Variants in COL7A1 observed in about 807,000 individuals in gnomAD.
COL7A1 encodes collagen type VII alpha 1 chain, also known as collagen alpha-1(VII) chain.
In COL7A1, 296 loss-of-function variants were observed where a neutral mutation model predicts 456.2. That is an observed-to-expected ratio of 0.65 (90% CI 0.59 to 0.71). The LOEUF is 0.71. Among genes scored for constraint, COL7A1 ranks in the 30% least tolerant of loss-of-function variants. The pLI, the probability that COL7A1 is intolerant of heterozygous loss-of-function variation, is 0.00. For synonymous variants in COL7A1, 1,464 were observed against 1,525.9 expected, an observed-to-expected ratio of 0.96 and a Z score of 0.95; for missense variants, 3,441 against 4,017.2, an observed-to-expected ratio of 0.86 and a Z score of 3.88.
At position 48,591,593 on chromosome 3, in the gene COL7A1, C is replaced by G; in HGVS notation, c.1508-1G>C. Reference sequence around the variant, plus strand: ...ACAGGGCTCACAGGCAGCTCTGGTCCTGTTGGAGAGCACAGCATAGAGGCA... The same window carrying G: ...ACAGGGCTCACAGGCAGCTCTGGTCGTGTTGGAGAGCACAGCATAGAGGCA... On this transcript the variant is annotated splice_acceptor_variant, in intron 12 of 118. Transcript: ENST00000681320. LOFTEE classifies it high-confidence loss of function. This position sits in a 1 kb window ranked among gnomAD's most constrained non-coding sequence, Gnocchi z 7.0. 6.2e-7 allele frequency: 1 copy of G among 1,613,650 alleles called. No individual in the cohort carries two copies. Among genetic ancestry groups the G allele is most frequent in the Non-Finnish European group, 8.5e-7 (1 of 1,179,994 alleles).
rs755178152 is a variant in COL7A1 at position 48,573,866 on chromosome 3, G to A, written c.6526C>T (p.Pro2176Ser). The A allele has an allele frequency of 3.1e-6, 5 of 1,613,946 alleles. No individual in the cohort carries two copies. ...TCTTGGGTACTCACCACTGGGCCAG[G>A]GGGGCCTCTTGGACCCTGCAGACCC... is the stretch of plus-strand genomic sequence containing the variant. ...KPGLQGPRGPPGPVGGHGDPG... is the reference protein window; with the variant it reads ...KPGLQGPRGPSGPVGGHGDPG... Residue 2176 changes from proline (P) to serine (S), a missense_variant, in exon 81 of 119, where the codon CCT becomes TCT. Pro to Ser is a moderately conservative substitution (Grantham distance 74, BLOSUM62 -1). This residue lies in a region of COL7A1 where 2,084 missense variants were observed against 2,501.3 expected (regional missense o/e 0.83). Transcript: ENST00000681320. The surrounding 1 kb of genome is among the most constrained non-coding windows in gnomAD (Gnocchi z 5.5).
chr3:48,586,816 G>A lies in COL7A1; in HGVS notation c.3277-127C>T. On this transcript the variant is annotated intron_variant, in intron 25 of 118. Coordinates refer to ENST00000681320, the MANE Select transcript of COL7A1 (RefSeq NM_000094.4). This position sits in a 1 kb window ranked among gnomAD's most constrained non-coding sequence, Gnocchi z 5.1. ...ATCTATTAGGGAGTCAGCAGTGATG[G>A]CAGGATAGGGAGCCAGGCAGTAGGT... 2 of 1,500,772 alleles carry A rather than the reference G, an allele frequency of 1.3e-6. No individual in the cohort carries two copies. The highest frequency in any genetic ancestry group is 9.0e-7 in the Non-Finnish European group (1 of 1,106,106). 93.0% of individuals were successfully genotyped at this position (1,500,772 alleles called of 1,614,324 possible).
chr3:48,569,847 C>T lies in COL7A1; in HGVS notation c.7521+33G>A, dbSNP rs750493362. 1.2e-6 allele frequency: 2 copies of T among 1,614,154 alleles called. No homozygotes were observed. Among genetic ancestry groups the T allele is most frequent in the Non-Finnish European group, 1.7e-6 (2 of 1,180,006 alleles). On this transcript the variant is annotated intron_variant, in intron 100 of 118. Coordinates refer to ENST00000681320, the MANE Select transcript of COL7A1 (RefSeq NM_000094.4). This position sits in a 1 kb window ranked among gnomAD's most constrained non-coding sequence, Gnocchi z 4.9. ...TATCATACAAGATCCACTCACCCCC[C>T]CACTCATGCCAGGACCTTCCCCACG...
At position 48,589,411 on chromosome 3, in the gene COL7A1, C is replaced by T; in HGVS notation, c.2230G>A (p.Glu744Lys). 6.2e-7 allele frequency: 1 copy of T among 1,613,732 alleles called. No individual in the cohort carries two copies. The highest frequency in any genetic ancestry group is 8.5e-7 in the Non-Finnish European group (1 of 1,180,008). The change falls in exon 18 of 119, where the codon GAG (glutamate) becomes AAG (lysine). Residue 744 changes from glutamate to lysine, a missense_variant. By Grantham distance (56) the Glu-to-Lys change is moderately conservative (BLOSUM62 1). This residue lies in a region of COL7A1 where 913 missense variants were observed against 1,088.2 expected (regional missense o/e 0.84). Transcript: ENST00000681320. ...EATVAELDGLEPDTEYTVHVR... is the reference protein window; with the variant it reads ...EATVAELDGLKPDTEYTVHVR... ...TGCACCGTATACTCAGTATCTGGCT[C>T]CAGTCCATCCAGCTCAGCCACCGTG... is the stretch of plus-strand genomic sequence containing the variant.
Position 48,593,727 on chromosome 3 carries a change from G to C in COL7A1, c.267-31C>G, listed in dbSNP as rs368872953. On this transcript the variant is annotated intron_variant, in intron 3 of 118. Coordinates refer to ENST00000681320, the MANE Select transcript of COL7A1 (RefSeq NM_000094.4). The surrounding 1 kb of genome is among the most constrained non-coding windows in gnomAD (Gnocchi z 4.4). ...GGAGGGTAGGGGTGGCAACAGGCTA[G>C]GACTCAGGATCTCTTCTGGCCCTGG... 2 of 1,614,156 alleles carry C rather than the reference G, an allele frequency of 1.2e-6. No homozygotes were observed. Among genetic ancestry groups the C allele is most frequent in the Non-Finnish European group, 1.7e-6 (2 of 1,180,004 alleles).
chr3:48,580,242 G>C lies in COL7A1; in HGVS notation c.5097+58C>G. 6.3e-7 allele frequency: 1 copy of C among 1,589,010 alleles called. No individual in the cohort carries two copies. On this transcript the variant is annotated intron_variant, in intron 56 of 118. Transcript: ENST00000681320. The surrounding 1 kb of genome is among the most constrained non-coding windows in gnomAD (Gnocchi z 4.5). ...AGACCCCTTGTGTGAAGGCACACTG[G>C]CAGCAGCGCCAGGGGACCCTCCATC...
At chr3:48,582,914 G>T in intron 44 of COL7A1, 99 bp downstream of exon 44, 1 of 1,544,964 alleles carries the variant, frequency 6.5e-7, no homozygotes, top group Non-Finnish European at 8.9e-7. Context: ...ATTGAGGAGG[G>T]GTGAGGAGCA....
rs765755720 is a variant in COL7A1, at chr3:48,575,245, G to A, written c.6181-3C>T. ...TCTCCTTTCTCTCCCCGTTCTCCCT[G>A]AAATGCAAATAGCGGGTGAGGGCCA... On this transcript the variant is annotated splice_polypyrimidine_tract_variant and splice_region_variant and intron_variant, in intron 74 of 118. Coordinates refer to ENST00000681320, the MANE Select transcript of COL7A1 (RefSeq NM_000094.4). This position sits in a 1 kb window ranked among gnomAD's most constrained non-coding sequence, Gnocchi z 6.3. 1.2e-6 allele frequency: 2 copies of A among 1,613,962 alleles called. No homozygotes were observed. Among genetic ancestry groups the A allele is most frequent in the East Asian group, 4.5e-5 (2 of 44,886 alleles).
rs771744912 is a variant in COL7A1, at chr3:48,593,587, C to T, written c.376G>A (p.Val126Met). Reference protein sequence around the residue: ...NTRTGAAILHVADHVFLPQLA... With the variant: ...NTRTGAAILHMADHVFLPQLA... ...TGGGGCAGGAAGACATGGTCAGCCACATGGAGAATTGCAGCCCCTGTGCGA... is the reference window on the plus strand; with the variant it reads ...TGGGGCAGGAAGACATGGTCAGCCATATGGAGAATTGCAGCCCCTGTGCGA... Residue 126 changes from valine to methionine, a missense_variant, in exon 4 of 119, where the codon GTG (valine) becomes ATG (methionine). This residue lies in a region of COL7A1 where 913 missense variants were observed against 1,088.2 expected (regional missense o/e 0.84). Transcript: ENST00000681320. This position sits in a 1 kb window ranked among gnomAD's most constrained non-coding sequence, Gnocchi z 4.4. 6.2e-7 allele frequency: 1 copy of T among 1,614,216 alleles called. No homozygotes were observed. Among genetic ancestry groups the T allele is most frequent in the Non-Finnish European group, 8.5e-7 (1 of 1,180,036 alleles).
rs1250363853 is a variant in COL7A1 at position 48,586,383 on chromosome 3, C to T, written c.3499G>A (p.Glu1167Lys). The T allele has an allele frequency of 6.2e-7, 1 of 1,613,910 alleles. No individual in the cohort carries two copies. The highest frequency in any genetic ancestry group is 8.5e-7 in the Non-Finnish European group (1 of 1,179,986). The change falls in exon 27 of 119, where the codon GAA becomes AAA. Residue 1167 changes from glutamate (E) to lysine (K), a missense_variant. Around this residue, in one of 3 missense-constraint regions of COL7A1, gnomAD observed 2,084 missense variants for 2,501.3 expected, o/e 0.83. Transcript: ENST00000681320. This position sits in a 1 kb window ranked among gnomAD's most constrained non-coding sequence, Gnocchi z 5.1. ...CTGAATATGTCACCTCTCAAGGGTT[C>T]ATCCACTAGCAGAACCATCACCCCT... ...VPGVMVLLVD[E>K]PLRGDIFSPI...
rs1461346293 is a variant in COL7A1, at chr3:48,579,301, G to A, written c.5308-24C>T. 3 of 1,614,004 alleles carry A rather than the reference G, an allele frequency of 1.9e-6. No individual in the cohort carries two copies. In the African/African-American group the frequency reaches 4.0e-5, roughly 22 times the overall value. ...CCCTGTGGAAAATAGAGTGGTAAGAGGCCACCAAGGCTGAGGTGGATCTGA... is the reference window on the plus strand; with the variant it reads ...CCCTGTGGAAAATAGAGTGGTAAGAAGCCACCAAGGCTGAGGTGGATCTGA... On this transcript the variant is annotated intron_variant, in intron 61 of 118. Coordinates refer to ENST00000681320, the MANE Select transcript of COL7A1 (RefSeq NM_000094.4). The surrounding 1 kb of genome is among the most constrained non-coding windows in gnomAD (Gnocchi z 4.4).
chr3:48,570,987 A>C lies in COL7A1; in HGVS notation c.7165-19T>G. The C allele has an allele frequency of 6.2e-7, 1 of 1,613,056 alleles. No individual in the cohort carries two copies. Among genetic ancestry groups the C allele is most frequent in the Non-Finnish European group, 8.5e-7 (1 of 1,179,504 alleles). ...GATCTCCCTGAAATAAAAACAGCAA[A>C]GGGAGGGAATGGTCAATGCAGGACC... On this transcript the variant is annotated intron_variant, in intron 94 of 118. Transcript: ENST00000681320. The surrounding 1 kb of genome is among the most constrained non-coding windows in gnomAD (Gnocchi z 5.5).
rs113151410 is a variant in COL7A1, at chr3:48,576,291, G to A, written c.5778C>T (p.Leu1926=). 1,000 of 1,613,822 alleles carry A rather than the reference G, an allele frequency of 6.2e-4. 7 individuals carry two copies. In the African/African-American group the frequency reaches 0.012, roughly 20 times the overall value. The stretch of plus-strand genomic sequence containing the variant: ...CTCCTCGCAGGCCACGCTCTCCAGG[G>A]AGGCCCTGGAGAGATGAAGACAAAC... The part of the protein sequence containing the change: ...GETGSKGEQG[L]PGERGLRGEP... Residue 1926 remains leucine, a synonymous_variant, in exon 71 of 119, where the codon CTC becomes CTT. Transcript: ENST00000681320.
In COL7A1 at chr3:48,588,599, C is replaced by T. The variant is rs1402929796; in HGVS notation, c.2587+43G>A. ...GCACAAGCCCGGATCCCCAAACCATCCACACCACCCATCCGAAGCTCTCCA... is the reference window on the plus strand; with the variant it reads ...GCACAAGCCCGGATCCCCAAACCATTCACACCACCCATCCGAAGCTCTCCA... On this transcript the variant is annotated intron_variant, in intron 20 of 118. Transcript: ENST00000681320. The surrounding 1 kb of genome is among the most constrained non-coding windows in gnomAD (Gnocchi z 4.6). The T allele has an allele frequency of 6.2e-7, 1 of 1,613,672 alleles. No individual in the cohort carries two copies. The highest frequency in any genetic ancestry group is 1.1e-5 in the South Asian group (1 of 91,084).
In COL7A1 at chr3:48,587,818, G is replaced by T; in HGVS notation, c.2832C>A (p.Pro944=). 6.2e-7 allele frequency: 1 copy of T among 1,613,410 alleles called. No individual in the cohort carries two copies. Among genetic ancestry groups the T allele is most frequent in the Non-Finnish European group, 8.5e-7 (1 of 1,179,976 alleles). Reference sequence around the variant, plus strand: ...CAGTGCGCGCAGTCACCTCTGCAGAGGGCCCTTCTCCAGCTGGCCCTAGGA... The same window carrying T: ...CAGTGCGCGCAGTCACCTCTGCAGATGGCCCTTCTCCAGCTGGCCCTAGGA... ...LSVLGPAGEG[P]SAEVTARTES... is the part of the protein sequence containing the mutation. The change falls in exon 22 of 119, where the codon CCC becomes CCA. Residue 944 remains proline (P), a synonymous_variant. Transcript: ENST00000681320. The surrounding 1 kb of genome is among the most constrained non-coding windows in gnomAD (Gnocchi z 6.1).
chr3:48,580,151 C>T lies in COL7A1; in HGVS notation c.5098-94G>A, dbSNP rs1399295171. ...GGCTCAACTCTGCCCCCAAGTTCCC[C>T]GAAGCACCCCAATGCCAGCCCCCAG... is the stretch of plus-strand genomic sequence containing the variant. On this transcript the variant is annotated intron_variant, in intron 56 of 118. Transcript: ENST00000681320. This position sits in a 1 kb window ranked among gnomAD's most constrained non-coding sequence, Gnocchi z 4.5. The T allele has an allele frequency of 1.0e-5, 16 of 1,562,928 alleles. No individual in the cohort carries two copies. Among genetic ancestry groups the T allele is most frequent in the East Asian group, 2.3e-5 (1 of 43,272 alleles).
chr3:48,574,161 G>A lies in COL7A1; in HGVS notation c.6501+101C>T. Reference sequence around the variant, plus strand: ...CACACAGAGAGGCACACAGACACAGGTACACACAAACACACACACACAGAC... The same window carrying A: ...CACACAGAGAGGCACACAGACACAGATACACACAAACACACACACACAGAC... On this transcript the variant is annotated intron_variant, in intron 80 of 118. Transcript: ENST00000681320. The surrounding 1 kb of genome is among the most constrained non-coding windows in gnomAD (Gnocchi z 5.0). The A allele has an allele frequency of 1.4e-6, 2 of 1,443,412 alleles. No homozygotes were observed. Among genetic ancestry groups the A allele is most frequent in the Non-Finnish European group, 9.7e-7 (1 of 1,032,668 alleles). 89.4% of individuals were successfully genotyped at this position (1,443,412 alleles called of 1,614,324 possible).
chr3:48,594,436 C>A lies in COL7A1; in HGVS notation c.198G>T (p.Leu66=). ...GTGCACTGGCTGCTCCAGAGAAAGG[C>A]AGCACCAGCCCTTCGAGAAAGCTGC... ...EVRSFLEGLV[L]PFSGAASAQG... Residue 66 remains leucine, a synonymous_variant, in exon 3 of 119, where the codon CTG becomes CTT. Coordinates refer to ENST00000681320, the MANE Select transcript of COL7A1 (RefSeq NM_000094.4). The surrounding 1 kb of genome is among the most constrained non-coding windows in gnomAD (Gnocchi z 5.5). 2.5e-6 allele frequency: 4 copies of A among 1,612,150 alleles called. No individual in the cohort carries two copies. Among genetic ancestry groups the A allele is most frequent in the Non-Finnish European group, 3.4e-6 (4 of 1,180,040 alleles).
rs752877416 is a variant in COL7A1, at chr3:48,588,919, T to C, written c.2391A>G (p.Val797=). ...ASSDVLRITW[V]GVTGATAYRL... is the part of the protein sequence containing the mutation. ...TGTAAGCTGTGGCTCCAGTGACCCC[T>C]ACCCAGGTGATCCGTAGAACGTCGC... The change falls in exon 19 of 119, where the codon GTA becomes GTG. Residue 797 remains valine, a synonymous_variant. Transcript: ENST00000681320. The surrounding 1 kb of genome is among the most constrained non-coding windows in gnomAD (Gnocchi z 4.6). 1 of 1,613,658 alleles carries C rather than the reference T, an allele frequency of 6.2e-7. No individual in the cohort carries two copies. The highest frequency in any genetic ancestry group is 8.5e-7 in the Non-Finnish European group (1 of 1,180,044).
Sources: allele counts gnomAD v4.1 joint callset, GRCh38; gene constraint gnomAD v4.1.1; regional missense constraint gnomAD v4.1.1; non-coding constraint Gnocchi (gnomAD v3.1); transcripts MANE v1.5; gene names NCBI Gene and HGNC (gene_info 2026-07-23, HGNC 2026-07-21).